Variants in NAALADL2 observed in about 807,000 individuals in gnomAD.
NAALADL2 encodes the protein N-acetylated alpha-linked acidic dipeptidase like 2.
In NAALADL2, 76 loss-of-function variants were observed where a neutral mutation model predicts 87.2. That is an observed-to-expected ratio of 0.87 (90% CI 0.72 to 1.05). The LOEUF is 1.05. Among genes scored for constraint, NAALADL2 ranks in the 50% least tolerant of loss-of-function variants. The pLI is 0.00. For missense variants in NAALADL2, 1,089 were observed against 945.8 expected (o/e 1.15, Z -1.99); for synonymous variants, 354 against 331.0 (o/e 1.07, Z -0.75).
At chr3:174,684,911 C>T (rs1011206938) in intron 2 of NAALADL2, among the ~76,000 whole-genome samples, 1 of 151,980 alleles carries the variant, frequency 6.6e-6, no homozygotes, top group African/African-American at 2.4e-5. Context: ...TTCTTGTCAC[C>T]CGGCCACTGT....
chr3:175,109,729 T>C (rs189055351), intron 2 of NAALADL2, among the ~76,000 whole-genome samples: 2 of 151,910 alleles, frequency 1.3e-5, no homozygotes, highest in Admixed American at 6.6e-5. Context: ...AACTAACTGG[T>C]TGTCAGAGCC....
intron 9 of NAALADL2, among the ~76,000 whole-genome samples, chr3:175,541,510 G>A (rs1311882705): frequency 6.6e-6 from 1 of 152,084 alleles, no homozygotes; most frequent in Non-Finnish European, 1.5e-5. Context: ...TGTGCTGAAA[G>A]TTAAAAACAA....
intron 3 of NAALADL2, among the ~76,000 whole-genome samples, chr3:175,241,706 A>G (rs1401566009): frequency 6.6e-6 from 1 of 152,172 alleles, no homozygotes; most frequent in East Asian, 1.9e-4. Flanking sequence ...CCCGTGAAAG[A>G]GAACAGAAGC....
chr3:174,658,167 G>A (rs1008000687), intron 2 of NAALADL2, among the ~76,000 whole-genome samples: 2 of 152,140 alleles, frequency 1.3e-5, no homozygotes, highest in Admixed American at 1.3e-4. Context: ...TACGGTAAGA[G>A]CATGTTTAAT....
rs144797003 is a variant in NAALADL2 at position 175,551,716 on chromosome 3, G to A, written c.1654-24325G>A. 8.5e-5 allele frequency among the ~76,000 whole-genome samples: 13 copies of A among 152,174 alleles called. No individual in the cohort carries two copies. In the East Asian group the frequency reaches 1.7e-3, roughly 20 times the overall value. Reference sequence around the variant, plus strand: ...AGATCGAGACCATCCTGGCTAACACGGTGAACCCCGTCTACACTAAAAATT... The same window carrying A: ...AGATCGAGACCATCCTGGCTAACACAGTGAACCCCGTCTACACTAAAAATT... On this transcript the variant is annotated intron_variant, in intron 9 of 13. Coordinates refer to ENST00000454872, the MANE Select transcript of NAALADL2 (RefSeq NM_207015.3).
At chr3:175,600,652 C>T (rs1697556013) in intron 10 of NAALADL2, among the ~76,000 whole-genome samples, 2 of 147,750 alleles carry the variant, frequency 1.4e-5, no homozygotes, top group Admixed American at 6.9e-5. Flanking sequence ...ATTCTCCTGC[C>T]TCAGCCTCCC....
chr3:175,791,471 A>G (rs1238096188), intron 13 of NAALADL2, among the ~76,000 whole-genome samples: 1 of 152,178 alleles, frequency 6.6e-6, no homozygotes, highest in Non-Finnish European at 1.5e-5. Flanking sequence ...TTACATCTGA[A>G]AGAAGAGAAA....
intron 2 of NAALADL2, among the ~76,000 whole-genome samples, chr3:174,565,893 T>TTGTATA (rs1714199291): frequency 6.6e-6 from 1 of 152,036 alleles, no homozygotes; most frequent in African/African-American, 2.4e-5. Flanking sequence ...ATCAGACATT[T>TTGTATA]CCTTTTGTAT....
rs369233764 is a variant in NAALADL2 at position 175,100,396 on chromosome 3, C to T, written c.545+3105C>T. The stretch of plus-strand genomic sequence containing the variant: ...CTTCTCAAGAAAGAAGCCTCAAATC[C>T]AGTGGAAAAAGTTTAACAAAACTAT... On this transcript the variant is annotated intron_variant, in intron 2 of 13. Coordinates refer to ENST00000454872, the MANE Select transcript of NAALADL2 (RefSeq NM_207015.3). 8.5e-5 allele frequency among the ~76,000 whole-genome samples: 13 copies of T among 152,144 alleles called. 1 individual carries two copies. In the East Asian group the frequency reaches 9.7e-4, roughly 11 times the overall value.
chr3:175,278,446 T>A (rs981108704), intron 4 of NAALADL2, among the ~76,000 whole-genome samples: 1 of 152,194 alleles, frequency 6.6e-6, no homozygotes, highest in African/African-American at 2.4e-5. Flanking sequence ...CCATGTTATT[T>A]GAAGTTCAAA....
chr3:175,741,656 C>T (rs1745253803), intron 12 of NAALADL2, among the ~76,000 whole-genome samples: 1 of 151,612 alleles, frequency 6.6e-6, no homozygotes, highest in African/African-American at 2.4e-5. Flanking sequence ...AATTAAGAAC[C>T]CAGAAGAGAT....
chr3:174,545,361 A>G (rs1722637428), intron 1 of NAALADL2, among the ~76,000 whole-genome samples: 1 of 152,150 alleles, frequency 6.6e-6, no homozygotes, highest in African/African-American at 2.4e-5. Context: ...ACTTTTATGT[A>G]TTAGGATTCT....
intron 5 of NAALADL2, among the ~76,000 whole-genome samples, chr3:175,397,780 G>A (rs374781502): frequency 9.9e-5 from 15 of 152,242 alleles, no homozygotes; most frequent in African/African-American, 3.6e-4. Context: ...AAGTATCTTG[G>A]AAAACAGTTT....
rs3040504 is a variant in NAALADL2 at position 175,481,335 on chromosome 3, CTGTG to C, written c.1653+9605_1653+9608del. 4.9e-3 allele frequency among the ~76,000 whole-genome samples: 702 copies of C among 143,970 alleles called. 6 individuals are homozygous for C. The highest frequency in any genetic ancestry group is 0.017 in the East Asian group (86 of 4,950). The allele number at this position is 143,970 out of a possible 152,430, so 94.4% of individuals were successfully genotyped here. On this transcript the variant is annotated intron_variant, in intron 9 of 13. Transcript: ENST00000454872. ...TTCTTTGTCATTACTAACAATGCCA[CTGTG>C]TGTGTGTGTGTGTGTGTGTGTGTGT...
At chr3:174,949,728 T>C (rs1740033070) in intron 1 of NAALADL2, among the ~76,000 whole-genome samples, 1 of 152,186 alleles carries the variant, frequency 6.6e-6, no homozygotes, top group Non-Finnish European at 1.5e-5. Context: ...TCTGTCCTTT[T>C]AGGACATGGC....
At chr3:175,556,134 TAAC>T (rs1715226531) in intron 9 of NAALADL2, among the ~76,000 whole-genome samples, 1 of 152,188 alleles carries the variant, frequency 6.6e-6, no homozygotes, top group South Asian at 2.1e-4. Context: ...GAGGTAGTGA[TAAC>T]AGCCTGTCTC....
At chr3:175,358,225 T>A (rs945398222) in intron 5 of NAALADL2, among the ~76,000 whole-genome samples, 1 of 152,006 alleles carries the variant, frequency 6.6e-6, no homozygotes, top group African/African-American at 2.4e-5. Context: ...TACATACAGG[T>A]TTTTTTTCCT....
At position 175,231,921 on chromosome 3, in the gene NAALADL2, C is replaced by T. The variant is rs574891407; in HGVS notation, c.546-2010C>T. Among the ~76,000 whole-genome samples, 3 of 151,940 alleles carry T rather than the reference C, an allele frequency of 2.0e-5. No homozygotes were observed. The South Asian group carries it at 6.2e-4, about 32-fold the overall frequency. Reference sequence around the variant, plus strand: ...CTATCCCAAAAATACAGAGAGAATGCAATAGCAATGGAGAAAGGGGGTAGG... The same window carrying T: ...CTATCCCAAAAATACAGAGAGAATGTAATAGCAATGGAGAAAGGGGGTAGG... On this transcript the variant is annotated intron_variant, in intron 2 of 13. Coordinates refer to ENST00000454872, the MANE Select transcript of NAALADL2 (RefSeq NM_207015.3).
intron 11 of NAALADL2, 139 bp downstream of exon 11, chr3:175,627,525 T>C: frequency 1.7e-6 from 1 of 580,782 alleles, no homozygotes; most frequent in Non-Finnish European, 3.0e-6. Context: ...TTTTAGTATA[T>C]CCTATTATTT....
Sources: allele counts gnomAD v4.1 joint callset (sites outside exome capture counted in the v4.1 genomes callset), GRCh38; gene constraint gnomAD v4.1.1; transcripts MANE v1.5; gene names NCBI Gene and HGNC (gene_info 2026-07-23, HGNC 2026-07-21).